The following KCNN2 variants were observed in gnomAD, a reference collection of about 807,000 sequenced individuals.
KCNN2 encodes small conductance calcium-activated potassium channel protein 2.
In KCNN2, 24 loss-of-function variants were observed where a neutral mutation model predicts 55.5. That is an observed-to-expected ratio of 0.43 (90% CI 0.31 to 0.61). KCNN2 has a LOEUF of 0.61. KCNN2 is among the 20% of genes least tolerant of loss of function. KCNN2 has a pLI of 0.08. For missense variants in KCNN2, 754 were observed against 853.6 expected, an observed-to-expected ratio of 0.88 and a Z score of 1.45; for synonymous variants, 431 against 336.1, an observed-to-expected ratio of 1.28 and a Z score of -3.09.
chr5:114,234,335 C>T (rs910664827), intron 2 of KCNN2, among the ~76,000 whole-genome samples: 3 of 152,084 alleles, frequency 2.0e-5, no homozygotes, highest in East Asian at 1.9e-4. Context: ...TGACCTTGTG[C>T]GATGTGCGAT....
intron 2 of KCNN2, among the ~76,000 whole-genome samples, chr5:114,391,877 C>A (rs1293609283): frequency 6.6e-6 from 1 of 152,042 alleles, no homozygotes; most frequent in East Asian, 1.9e-4. Context: ...TACTGTGACT[C>A]TTTTGGTCTG....
intron 2 of KCNN2, among the ~76,000 whole-genome samples, chr5:114,326,243 G>C (rs1474895102): frequency 6.6e-6 from 1 of 152,114 alleles, no homozygotes; most frequent in African/African-American, 2.4e-5. Flanking sequence ...TGTGAGGTTA[G>C]ACCTCAAGTA....
At chr5:114,327,044 C>T (rs777516884) in intron 2 of KCNN2, among the ~76,000 whole-genome samples, 4 of 152,130 alleles carry the variant, frequency 2.6e-5, no homozygotes, top group African/African-American at 9.6e-5. Context: ...CACACACAGA[C>T]GTAAATGAGA....
intron 2 of KCNN2, among the ~76,000 whole-genome samples, chr5:114,288,870 A>C (rs1755820419): frequency 6.6e-6 from 1 of 152,064 alleles, no homozygotes; most frequent in Non-Finnish European, 1.5e-5. Flanking sequence ...AATTTGATGA[A>C]GTTCAGCTTA....
chr5:114,414,906 A>G (rs1240435320), intron 3 of KCNN2, among the ~76,000 whole-genome samples: 1 of 152,202 alleles, frequency 6.6e-6, no homozygotes, highest in Non-Finnish European at 1.5e-5. Flanking sequence ...AACCATCACT[A>G]CAATCCAGTT....
intron 1 of KCNN2, among the ~76,000 whole-genome samples, chr5:114,104,943 A>G (rs984076819): frequency 1.3e-5 from 2 of 152,024 alleles, no homozygotes; most frequent in African/African-American, 4.8e-5. Flanking sequence ...GCAAAGAGGC[A>G]CAATGAAAAG....
At chr5:114,366,695 A>G (rs1580754155) in intron 2 of KCNN2, among the ~76,000 whole-genome samples, 1 of 152,248 alleles carries the variant, frequency 6.6e-6, no homozygotes, top group Non-Finnish European at 1.5e-5. Flanking sequence ...AAAATGATGA[A>G]TTGCCCCCCG....
chr5:114,231,620 G>A (rs1279952949), intron 2 of KCNN2, among the ~76,000 whole-genome samples: 1 of 151,046 alleles, frequency 6.6e-6, no homozygotes, highest in African/African-American at 2.5e-5. Context: ...GATCACCATG[G>A]CCACATTTAC....
intron 1 of KCNN2, among the ~76,000 whole-genome samples, chr5:114,084,105 C>A (rs1279548319): frequency 6.6e-6 from 1 of 152,036 alleles, no homozygotes; most frequent in African/African-American, 2.4e-5. Context: ...GTTGCTTCGT[C>A]TTTTTGGCAA....
chr5:114,193,137 T>C (rs1340510431), intron 1 of KCNN2, among the ~76,000 whole-genome samples: 1 of 152,150 alleles, frequency 6.6e-6, no homozygotes, highest in East Asian at 1.9e-4. Flanking sequence ...TGTCTTTATC[T>C]AGCGACCCTA....
At chr5:114,327,829 A>C (rs931262653) in intron 2 of KCNN2, among the ~76,000 whole-genome samples, 3 of 152,212 alleles carry the variant, frequency 2.0e-5, no homozygotes, top group African/African-American at 7.2e-5. Context: ...TCAAACAGAT[A>C]TATGTCAATA....
chr5:114,454,566 T>G (rs981191589), intron 3 of KCNN2, among the ~76,000 whole-genome samples: 2 of 152,186 alleles, frequency 1.3e-5, no homozygotes, highest in African/African-American at 4.8e-5. Flanking sequence ...AATTCTAATA[T>G]TAGGGTCAGG....
At chr5:114,110,712 T>C (rs1751578470) in intron 1 of KCNN2, among the ~76,000 whole-genome samples, 1 of 151,956 alleles carries the variant, frequency 6.6e-6, no homozygotes, top group African/African-American at 2.4e-5. Context: ...GTGCCTTAGT[T>C]TGGGATTTTG....
intron 2 of KCNN2, among the ~76,000 whole-genome samples, chr5:114,291,007 A>G (rs1180874592): frequency 1.3e-5 from 2 of 152,086 alleles, no homozygotes; most frequent in Non-Finnish European, 2.9e-5. Context: ...CATATGGTCT[A>G]TCCAGGAGAA....
At chr5:114,136,904 G>A (rs1185604579) in intron 1 of KCNN2, among the ~76,000 whole-genome samples, 3 of 152,094 alleles carry the variant, frequency 2.0e-5, no homozygotes, top group Non-Finnish European at 4.4e-5. Context: ...AAAAGCTTAG[G>A]GTTAATGAGG....
intron 4 of KCNN2, among the ~76,000 whole-genome samples, chr5:114,470,590 C>T (rs17136662): frequency 0.054 from 8,192 of 152,248 alleles, 685 homozygotes; most frequent in African/African-American, 0.19. Flanking sequence ...GGTAGAGATG[C>T]TTCCAAAGGC....
At chr5:114,454,247 A>C (rs1056569151) in intron 3 of KCNN2, among the ~76,000 whole-genome samples, 6 of 152,098 alleles carry the variant, frequency 3.9e-5, no homozygotes, top group Non-Finnish European at 5.9e-5. Flanking sequence ...ATCACTCTAC[A>C]TCATCTCAGG....
chr5:114,195,746 C>G (rs1049290954), intron 1 of KCNN2, among the ~76,000 whole-genome samples: 1 of 152,000 alleles, frequency 6.6e-6, no homozygotes, highest in East Asian at 1.9e-4. Flanking sequence ...AGCAGACATC[C>G]TTGTCTTGTT....
At chr5:114,256,216 G>A (rs1580666196) in intron 2 of KCNN2, among the ~76,000 whole-genome samples, 1 of 150,974 alleles carries the variant, frequency 6.6e-6, no homozygotes, top group Non-Finnish European at 1.5e-5. Context: ...CCATGGTATG[G>A]GTGTGTGTGT....
Sources: gnomAD v4.1 joint callset for allele counts (sites outside exome capture counted in the v4.1 genomes callset) on GRCh38, gnomAD v4.1.1 for gene constraint, MANE v1.5 for transcripts, NCBI Gene and HGNC (gene_info 2026-07-23, HGNC 2026-07-21) for gene names.